The following LUZP1 variants were observed in gnomAD, a reference collection of about 807,000 sequenced individuals.
LUZP1 encodes filamin mechanobinding actin cross-linking protein.
In LUZP1, 25 loss-of-function variants were observed where a neutral mutation model predicts 71.3. That is an observed-to-expected ratio of 0.35 (90% CI 0.26 to 0.49). The LOEUF is 0.49. LUZP1 is among the 20% of genes least tolerant of loss of function. The pLI, the probability that LUZP1 is intolerant of heterozygous loss-of-function variation, is 0.99. For missense variants in LUZP1, 1,142 were observed against 1,300.8 expected, an observed-to-expected ratio of 0.88 and a Z score of 1.88; for synonymous variants, 481 against 506.4, an observed-to-expected ratio of 0.95 and a Z score of 0.67.
chr1:23,117,395 T>C (rs187557243), intron 2 of LUZP1, among the ~76,000 whole-genome samples: 61 of 143,498 alleles, frequency 4.3e-4, no homozygotes, highest in African/African-American at 1.5e-3. Context: ...AACGAAAATA[T>C]ACCCTACACA....
At chr1:23,128,129 CAAAAAGAA>C (rs1644186906) in intron 2 of LUZP1, among the ~76,000 whole-genome samples, 2 of 149,256 alleles carry the variant, frequency 1.3e-5, no homozygotes, top group African/African-American at 2.5e-5. Flanking sequence ...GACTCTGTCC[CAAAAAGAA>C]AAAAAGAAAA....
At chr1:23,125,369 C>T (rs113127293) in intron 2 of LUZP1, among the ~76,000 whole-genome samples, 5 of 152,216 alleles carry the variant, frequency 3.3e-5, no homozygotes, top group Admixed American at 6.5e-5. Context: ...CTATCCCCTA[C>T]CTTGATATCA....
chr1:23,139,590 T>G (rs765845486), intron 2 of LUZP1, among the ~76,000 whole-genome samples: 2 of 152,190 alleles, frequency 1.3e-5, no homozygotes, highest in Non-Finnish European at 2.9e-5. Flanking sequence ...CTGCTTATGA[T>G]TTTTGTAACA....
chr1:23,120,032 C>T (rs1434304209), intron 2 of LUZP1, among the ~76,000 whole-genome samples: 1 of 151,908 alleles, frequency 6.6e-6, no homozygotes, highest in African/African-American at 2.4e-5. Flanking sequence ...GTCTCAACCC[C>T]CTGGACTCAA....
chr1:23,091,056 G>T, intron 4 of LUZP1, 134 bp downstream of exon 3: 1 of 979,156 alleles, frequency 1.0e-6, no homozygotes, highest in Non-Finnish European at 1.6e-6. Context: ...TTTTTCAACA[G>T]TTCTCTAAGG....
rs1370107613 is a variant in LUZP1 at position 23,164,270 on chromosome 1, C to A, written c.-226+4496G>T. Among the ~76,000 whole-genome samples the A allele has an allele frequency of 2.0e-5, 3 of 152,078 alleles. No individual in the cohort carries two copies. In the South Asian group the frequency reaches 6.2e-4, roughly 32 times the overall value. ...CAGCACTTTGGGAGGCCGAAGCGGGCGGATCACGAGGTCAGGAGATCGAGA... is the reference window on the plus strand; with the variant it reads ...CAGCACTTTGGGAGGCCGAAGCGGGAGGATCACGAGGTCAGGAGATCGAGA... On this transcript the variant is annotated intron_variant, in intron 2 of 4. Coordinates refer to ENST00000302291, the Ensembl canonical transcript of LUZP1.
chr1:23,138,997 C>CAAAAAAAAAAAAAA (rs535524035), intron 2 of LUZP1, among the ~76,000 whole-genome samples: 1 of 21,582 alleles, frequency 4.6e-5, no homozygotes, highest in Non-Finnish European at 7.8e-5. Flanking sequence ...GACTCCATCT[C>CAAAAAAAAAAAAAA]AAAAAAAAAA....
intron 2 of LUZP1, among the ~76,000 whole-genome samples, chr1:23,147,612 CAAAAAAAAAAAA>C (rs774893320): frequency 1.6e-5 from 1 of 61,470 alleles, no homozygotes; most frequent in African/African-American, 6.7e-5. Context: ...AGTCTCTACC[CAAAAAAAAAAAA>C]AAAAAAAAAA....
chr1:23,136,190 G>T (rs1644251311), intron 2 of LUZP1, among the ~76,000 whole-genome samples: 1 of 151,920 alleles, frequency 6.6e-6, no homozygotes, highest in African/African-American at 2.4e-5. Flanking sequence ...GAGTTAGTCA[G>T]AATTAATAAC....
At chr1:23,159,810 C>T (rs536746702) in intron 2 of LUZP1, among the ~76,000 whole-genome samples, 6 of 152,136 alleles carry the variant, frequency 3.9e-5, no homozygotes, top group Admixed American at 2.0e-4. Context: ...CATGGTGAAA[C>T]CCCTGTCTCT....
chr1:23,151,577 A>G (rs755793775), intron 2 of LUZP1, among the ~76,000 whole-genome samples: 38 of 152,190 alleles, frequency 2.5e-4, no homozygotes, highest in Non-Finnish European at 5.1e-4. Context: ...CGGTTCCCCC[A>G]GGGATATTTC....
intron 2 of LUZP1, among the ~76,000 whole-genome samples, chr1:23,137,637 A>G (rs1569644060): frequency 6.6e-6 from 1 of 152,078 alleles, no homozygotes; most frequent in South Asian, 2.1e-4. Context: ...GTGAAACTCC[A>G]TCTCAAAAAA....
exon 5 of LUZP1, chr1:23,085,323 TA>T (rs976395979): frequency 2.6e-5 from 4 of 152,744 alleles, no homozygotes; most frequent in African/African-American, 9.6e-5. Flanking sequence ...AAATAGACTT[TA>T]TTCTCTTAAA....
At chr1:23,136,784 G>A (rs2124697702) in intron 2 of LUZP1, among the ~76,000 whole-genome samples, 1 of 152,254 alleles carries the variant, frequency 6.6e-6, no homozygotes, top group South Asian at 2.1e-4. Flanking sequence ...GGGCGTGGTG[G>A]TGGGTGCCTG....
intron 2 of LUZP1, among the ~76,000 whole-genome samples, chr1:23,164,311 C>T (rs1435236273): frequency 1.3e-5 from 2 of 152,124 alleles, no homozygotes; most frequent in East Asian, 3.9e-4. Context: ...CTGGCTAACG[C>T]GGTGAAATGC....
chr1:23,110,017 A>C (rs1490510292), intron 2 of LUZP1, among the ~76,000 whole-genome samples: 5 of 152,236 alleles, frequency 3.3e-5, no homozygotes, highest in Non-Finnish European at 7.3e-5. Flanking sequence ...TATATAAGAC[A>C]ATAAGAAGAT....
chr1:23,174,173 T>C (rs748513989), intron 1 of LUZP1, among the ~76,000 whole-genome samples: 30 of 152,110 alleles, frequency 2.0e-4, no homozygotes, highest in Non-Finnish European at 3.7e-4. Flanking sequence ...GAATGGGGGT[T>C]TGTGGGCAGG....
chr1:23,124,575 T>C (rs147445738), intron 2 of LUZP1, among the ~76,000 whole-genome samples: 63 of 152,320 alleles, frequency 4.1e-4, no homozygotes, highest in African/African-American at 1.5e-3. Context: ...ATTTCATAAT[T>C]TTACTAAGAA....
intron 2 of LUZP1, among the ~76,000 whole-genome samples, chr1:23,145,263 C>G (rs547113300): frequency 6.6e-6 from 1 of 152,050 alleles, no homozygotes; most frequent in East Asian, 1.9e-4. Flanking sequence ...CTTTGTAAAA[C>G]AAGACTTACT....
Sources: allele counts gnomAD v4.1 joint callset (sites outside exome capture counted in the v4.1 genomes callset), GRCh38; gene constraint gnomAD v4.1.1; transcripts MANE v1.5; gene names NCBI Gene and HGNC (gene_info 2026-07-23, HGNC 2026-07-21).